Variants in ESRRB observed in about 807,000 individuals in gnomAD.
ESRRB encodes the protein estrogen related receptor beta.
ESRRB carries 16 observed loss-of-function variants against 46.0 expected under a neutral mutation model. That is an observed-to-expected ratio of 0.35 (90% CI 0.24 to 0.53). The LOEUF (loss-of-function observed/expected upper bound fraction) is 0.53, where lower values mean the gene tolerates loss of function less well. ESRRB is among the 20% of genes least tolerant of loss of function. The pLI is 0.93. For missense variants in ESRRB, 488 were observed against 607.4 expected (o/e 0.80, Z 2.07); for synonymous variants, 246 against 259.6 (o/e 0.95, Z 0.50).
intron 2 of ESRRB, among the ~76,000 whole-genome samples, chr14:76,444,816 G>A (rs1888063268): frequency 6.6e-6 from 1 of 152,076 alleles, no homozygotes; most frequent in African/African-American, 2.4e-5. Context: ...TGTGGACAGA[G>A]GGCTTAAGTC....
At chr14:76,345,840 A>G (rs1884243622) in intron 1 of ESRRB, among the ~76,000 whole-genome samples, 1 of 152,212 alleles carries the variant, frequency 6.6e-6, no homozygotes, top group South Asian at 2.1e-4. Context: ...GCTCTGTCTC[A>G]CGTTTGTTTT....
chr14:76,339,818 C>G (rs1884170820), intron 1 of ESRRB, among the ~76,000 whole-genome samples: 1 of 152,188 alleles, frequency 6.6e-6, no homozygotes, highest in African/African-American at 2.4e-5. Flanking sequence ...ATGCCGCGTG[C>G]CCCGTCACAT....
rs564180973 is a variant in ESRRB at position 76,477,659 on chromosome 14, A to C, written c.578-4357A>C. On this transcript the variant is annotated intron_variant, in intron 3 of 6. Transcript: ENST00000644823. Reference sequence around the variant, plus strand: ...TGTGGGCTGTGCTTAGGGCAGGCTCAGAAGAGCAGACAGGAAGCAAGGGGA... The same window carrying C: ...TGTGGGCTGTGCTTAGGGCAGGCTCCGAAGAGCAGACAGGAAGCAAGGGGA... Among the ~76,000 whole-genome samples the C allele has an allele frequency of 9.8e-5, 15 of 152,356 alleles. 1 individual carries two copies. The highest frequency in any genetic ancestry group is 4.1e-4 in the South Asian group (2 of 4,824).
intron 2 of ESRRB, among the ~76,000 whole-genome samples, chr14:76,456,289 C>T (rs1888610089): frequency 6.6e-6 from 1 of 152,180 alleles, no homozygotes; most frequent in South Asian, 2.1e-4. Context: ...CCACTCCCAT[C>T]CTGCCAGTTA....
chr14:76,333,117 TA>T lies in ESRRB; in HGVS notation c.2+22203del, dbSNP rs1414829196. Among the ~76,000 whole-genome samples the T allele has an allele frequency of 8.9e-3, 133 of 14,932 alleles. 25 individuals carry two copies. The highest frequency in any genetic ancestry group is 0.033 in the African/African-American group (120 of 3,690). 9.8% of individuals were successfully genotyped at this position (14,932 alleles called of 152,430 possible). A position where few individuals can be genotyped will look rare whatever the true frequency, so the allele number is the denominator to read the frequency against. The stretch of plus-strand genomic sequence containing the variant: ...TATATTATATATAATATATAATATA[TA>T]ATATATATATTATATATTATATATT... On this transcript the variant is annotated intron_variant, in intron 1 of 6. Transcript: ENST00000512784.
intron 1 of ESRRB, among the ~76,000 whole-genome samples, chr14:76,331,687 A>G (rs1323163979): frequency 2.6e-5 from 4 of 151,858 alleles, no homozygotes; most frequent in African/African-American, 4.8e-5. Context: ...TAATTTGGAG[A>G]TCTCGACATC....
chr14:76,401,963 TC>T (rs1305926153), intron 1 of ESRRB, among the ~76,000 whole-genome samples: 2 of 152,180 alleles, frequency 1.3e-5, no homozygotes, highest in Admixed American at 6.5e-5. Flanking sequence ...ACAGTGTAAT[TC>T]TAGTCCAAAG....
intron 1 of ESRRB, among the ~76,000 whole-genome samples, chr14:76,329,910 C>T (rs1006994393): frequency 7.6e-6 from 1 of 130,906 alleles, no homozygotes; most frequent in Non-Finnish European, 1.6e-5. Context: ...CGGCAGTAAG[C>T]GGGCTGGCTA....
intron 1 of ESRRB, chr14:76,404,362 T>C (rs1467776551): frequency 1.3e-5 from 2 of 149,402 alleles, no homozygotes; most frequent in African/African-American, 4.9e-5. Flanking sequence ...TATAATATTA[T>C]ATAATATAAT....
At chr14:76,498,008 T>C (rs1213003504) in intron 6 of ESRRB, among the ~76,000 whole-genome samples, 1 of 152,142 alleles carries the variant, frequency 6.6e-6, no homozygotes, top group South Asian at 2.1e-4. Flanking sequence ...ATGTCCCCTG[T>C]AGACGCCAGT....
chr14:76,335,638 C>T (rs1884118224), intron 1 of ESRRB, among the ~76,000 whole-genome samples: 1 of 152,172 alleles, frequency 6.6e-6, no homozygotes, highest in Non-Finnish European at 1.5e-5. Flanking sequence ...GTCTTGTACA[C>T]AGTGGGTGCT....
At chr14:76,318,990 T>C (rs1156662598) in intron 1 of ESRRB, among the ~76,000 whole-genome samples, 1 of 152,178 alleles carries the variant, frequency 6.6e-6, no homozygotes, top group African/African-American at 2.4e-5. Context: ...GGGACTCCAC[T>C]CCCATATCCG....
intron 1 of ESRRB, among the ~76,000 whole-genome samples, chr14:76,404,919 C>A (rs1007364816): frequency 3.3e-5 from 5 of 151,952 alleles, no homozygotes; most frequent in African/African-American, 4.8e-5. Context: ...ACAGAGAGAC[C>A]CAGGAAGCCC....
intron 2 of ESRRB, among the ~76,000 whole-genome samples, chr14:76,449,224 A>G (rs980448904): frequency 2.1e-4 from 32 of 152,148 alleles, no homozygotes; most frequent in African/African-American, 7.5e-4. Flanking sequence ...TTGTAAGATT[A>G]TTTTCCTGGG....
chr14:76,480,033 AATTTTTGT>A (rs1889743105), intron 3 of ESRRB, among the ~76,000 whole-genome samples: 1 of 152,052 alleles, frequency 6.6e-6, no homozygotes, highest in Middle Eastern at 3.2e-3. Flanking sequence ...ACACCTGGCT[AATTTTTGT>A]ATTTTTGGTA....
At chr14:76,334,401 T>C (rs61979366) in intron 1 of ESRRB, among the ~76,000 whole-genome samples, 66,900 of 152,024 alleles carry the variant, frequency 0.44, 15,004 homozygotes, top group Middle Eastern at 0.6. Flanking sequence ...GAGGGCCCAG[T>C]GTACCCCTCC....
intron 1 of ESRRB, among the ~76,000 whole-genome samples, chr14:76,384,136 TG>T (rs1885124497): frequency 6.6e-6 from 1 of 152,166 alleles, no homozygotes; most frequent in East Asian, 1.9e-4. Context: ...GACTTCAGCA[TG>T]CAGAGCGCAG....
intron 1 of ESRRB, among the ~76,000 whole-genome samples, chr14:76,361,714 T>C (rs1429683348): frequency 2.0e-5 from 3 of 152,206 alleles, no homozygotes; most frequent in Non-Finnish European, 4.4e-5. Flanking sequence ...AACCAACCCA[T>C]GGGCATCTCT....
At chr14:76,356,588 C>A (rs1884381754) in intron 1 of ESRRB, among the ~76,000 whole-genome samples, 2 of 152,196 alleles carry the variant, frequency 1.3e-5, no homozygotes, top group African/African-American at 2.4e-5. Context: ...GTGGCCCCAC[C>A]AACCTCACGT....
Sources: gnomAD v4.1 joint callset for allele counts (sites outside exome capture counted in the v4.1 genomes callset) on GRCh38, gnomAD v4.1.1 for gene constraint, MANE v1.5 for transcripts, NCBI Gene and HGNC (gene_info 2026-07-23, HGNC 2026-07-21) for gene names.